Variants in COL24A1 observed in about 807,000 individuals in gnomAD.
The protein encoded by COL24A1 is collagen type XXIV alpha 1 chain, also known as collagen alpha-1(XXIV) chain.
In COL24A1, 224 loss-of-function variants were observed where a neutral mutation model predicts 253.9. That is an observed-to-expected ratio of 0.88 (90% CI 0.79 to 0.99). The LOEUF is 0.99. Ranked by LOEUF, COL24A1 falls within the 50% of genes least tolerant of loss-of-function variation. COL24A1 has a pLI of 0.00. For synonymous variants in COL24A1, 685 were observed against 673.7 expected (o/e 1.02, Z -0.26); for missense variants, 2,131 against 2,068.5 (o/e 1.03, Z -0.59).
At chr1:85,897,992 G>C (rs1683914969) in intron 28 of COL24A1, among the ~76,000 whole-genome samples, 2 of 152,158 alleles carry the variant, frequency 1.3e-5, no homozygotes, top group South Asian at 2.1e-4. Flanking sequence ...CTACAATGAG[G>C]GATAGTATGT....
intron 3 of COL24A1, among the ~76,000 whole-genome samples, chr1:86,117,813 C>A (rs576665592): frequency 3.3e-5 from 5 of 152,158 alleles, no homozygotes; most frequent in Admixed American, 6.5e-5. Flanking sequence ...AGAGAAAGTA[C>A]AATTCCATTT....
intron 45 of COL24A1, among the ~76,000 whole-genome samples, chr1:85,818,732 T>C (rs566195664): frequency 2.2e-4 from 33 of 152,354 alleles, no homozygotes; most frequent in African/African-American, 7.5e-4. Flanking sequence ...ATTGTTCTGA[T>C]GACATTCTAA....
chr1:86,080,380 G>C (rs1702543574), intron 7 of COL24A1, among the ~76,000 whole-genome samples: 1 of 152,026 alleles, frequency 6.6e-6, no homozygotes, highest in Admixed American at 6.6e-5. Context: ...TAGCACAACA[G>C]GGAAACTATA....
chr1:85,910,543 C>T (rs1685266369), intron 25 of COL24A1, among the ~76,000 whole-genome samples: 2 of 151,932 alleles, frequency 1.3e-5, no homozygotes, highest in South Asian at 4.1e-4. Flanking sequence ...AGAGTATCAA[C>T]ATTTTAGTAC....
intron 57 of COL24A1, among the ~76,000 whole-genome samples, chr1:85,741,340 G>T (rs953870270): frequency 1.3e-5 from 2 of 152,150 alleles, no homozygotes; most frequent in African/African-American, 4.8e-5. Flanking sequence ...TGTGGAAATA[G>T]TTTGAGTTCT....
intron 24 of COL24A1, among the ~76,000 whole-genome samples, chr1:85,958,035 CAA>C (rs1690643840): frequency 6.6e-6 from 1 of 152,082 alleles, no homozygotes; most frequent in African/African-American, 2.4e-5. Context: ...TAACATTTAT[CAA>C]GTTTTTACTA....
chr1:85,857,458 C>CAAAAAAAAAAAAAAAGAA (rs1678568071), intron 37 of COL24A1, among the ~76,000 whole-genome samples: 2 of 94,488 alleles, frequency 2.1e-5, no homozygotes, highest in Non-Finnish European at 4.2e-5. Context: ...CCCTCTTCTC[C>CAAAAAAAAAAAAAAAGAA]AAAAAAAAAA....
At chr1:85,945,020 T>TTTGTTTG (rs1689183702) in intron 24 of COL24A1, among the ~76,000 whole-genome samples, 1 of 91,622 alleles carries the variant, frequency 1.1e-5, no homozygotes. Context: ...TTTTTTTTTT[T>TTTGTTTG]TTTTTTTTTT....
intron 24 of COL24A1, among the ~76,000 whole-genome samples, chr1:85,918,891 T>A (rs188231558): frequency 3.3e-5 from 5 of 152,320 alleles, no homozygotes; most frequent in African/African-American, 1.2e-4. Flanking sequence ...CTCCTTTCTG[T>A]GGAAGGATTA....
At chr1:85,917,205 T>A (rs978445019) in intron 24 of COL24A1, among the ~76,000 whole-genome samples, 1 of 152,230 alleles carries the variant, frequency 6.6e-6, no homozygotes, top group Non-Finnish European at 1.5e-5. Flanking sequence ...CATCATTATG[T>A]GTTTTGTGCA....
chr1:85,949,284 T>C (rs1350039748), intron 24 of COL24A1, among the ~76,000 whole-genome samples: 2 of 152,158 alleles, frequency 1.3e-5, no homozygotes, highest in African/African-American at 4.8e-5. Flanking sequence ...AAGACATTTA[T>C]AATCAAAGAG....
At chr1:85,798,564 A>T (rs1380639840) in intron 47 of COL24A1, among the ~76,000 whole-genome samples, 1 of 152,176 alleles carries the variant, frequency 6.6e-6, no homozygotes, top group East Asian at 1.9e-4. Flanking sequence ...CTTTCGTGTG[A>T]CTAGCCTATG....
chr1:85,880,974 C>T (rs1681768658), intron 32 of COL24A1, among the ~76,000 whole-genome samples: 3 of 152,124 alleles, frequency 2.0e-5, no homozygotes, highest in Admixed American at 2.0e-4. Flanking sequence ...TGATATTGGT[C>T]TATAGTTTTC....
At chr1:85,822,834 C>T (rs1673800624) in intron 45 of COL24A1, among the ~76,000 whole-genome samples, 1 of 152,160 alleles carries the variant, frequency 6.6e-6, no homozygotes, top group Non-Finnish European at 1.5e-5. Flanking sequence ...GGTTCCTCAT[C>T]CTCTACCATC....
At chr1:85,923,565 T>C (rs1686798217) in intron 24 of COL24A1, among the ~76,000 whole-genome samples, 1 of 152,214 alleles carries the variant, frequency 6.6e-6, no homozygotes, top group African/African-American at 2.4e-5. Flanking sequence ...AGCTCCTGAA[T>C]GACTACTGGG....
At chr1:85,782,706 C>T (rs1161646248) in intron 51 of COL24A1, among the ~76,000 whole-genome samples, 1 of 152,166 alleles carries the variant, frequency 6.6e-6, no homozygotes, top group Non-Finnish European at 1.5e-5. Flanking sequence ...ATACCTTTAT[C>T]CTACATCTGC....
intron 14 of COL24A1, among the ~76,000 whole-genome samples, chr1:86,024,393 A>T (rs964684659): frequency 6.6e-6 from 1 of 152,178 alleles, no homozygotes; most frequent in Non-Finnish European, 1.5e-5. Context: ...AATAAAGTGT[A>T]GAATGAATAC....
At chr1:86,025,520 C>T (rs778676612) in intron 14 of COL24A1, among the ~76,000 whole-genome samples, 8 of 152,060 alleles carry the variant, frequency 5.3e-5, no homozygotes, top group Non-Finnish European at 1.0e-4. Flanking sequence ...TGTCACTAGT[C>T]TAAGAAAGCA....
At chr1:86,072,813 G>T (rs12723976) in intron 7 of COL24A1, among the ~76,000 whole-genome samples, 17,691 of 152,190 alleles carry the variant, frequency 0.12, 1,108 homozygotes, top group Non-Finnish European at 0.14. Flanking sequence ...TTGCTGTTCT[G>T]CAGCCTTCAC....
Sources: gnomAD v4.1 joint callset for allele counts (sites outside exome capture counted in the v4.1 genomes callset) on GRCh38, gnomAD v4.1.1 for gene constraint, MANE v1.5 for transcripts, NCBI Gene and HGNC (gene_info 2026-07-23, HGNC 2026-07-21) for gene names.